Variants in ERG observed in about 807,000 individuals in gnomAD.
ERG encodes ETS transcription factor ERG.
A neutral mutation model predicts 55.3 loss-of-function variants in ERG; 9 were observed. That is an observed-to-expected ratio of 0.16 (90% confidence interval 0.10 to 0.28). The LOEUF is 0.28. ERG is among the 10% of genes least tolerant of loss of function. ERG has a pLI of 1.00. For missense variants in ERG, 434 were observed against 631.6 expected, an observed-to-expected ratio of 0.69 and a Z score of 3.35; for synonymous variants, 223 against 237.3, an observed-to-expected ratio of 0.94 and a Z score of 0.55.
chr21:38,512,833 T>C (rs1344271763), intron 2 of ERG, among the ~76,000 whole-genome samples: 1 of 152,110 alleles, frequency 6.6e-6, no homozygotes, highest in African/African-American at 2.4e-5. Context: ...AATTTAAATA[T>C]ATTAATTAAA....
intron 2 of ERG, among the ~76,000 whole-genome samples, chr21:38,552,853 A>C (rs2059833040): frequency 6.6e-6 from 1 of 151,800 alleles, no homozygotes; most frequent in African/African-American, 2.4e-5. Context: ...AGAGAAAAAA[A>C]AAAAAAAGAA....
intron 1 of ERG, among the ~76,000 whole-genome samples, chr21:38,591,506 A>C (rs1388816494): frequency 6.6e-6 from 1 of 152,192 alleles, no homozygotes; most frequent in Non-Finnish European, 1.5e-5. Flanking sequence ...AGCCTGGCCA[A>C]CATGGTGAAA....
In ERG at chr21:38,596,920, C is replaced by T. The variant is rs140185446; in HGVS notation, c.-149-11975G>A. On this transcript the variant is annotated intron_variant, in intron 1 of 10. Transcript: ENST00000398910. ...CCACCCACCTTCAACTCAGTCACAT[C>T]CACCTACATTTTCTGAAAACAAAAG... is the stretch of plus-strand genomic sequence containing the variant. Among the ~76,000 whole-genome samples the T allele has an allele frequency of 4.5e-3, 679 of 152,290 alleles. 6 individuals carry two copies. Among genetic ancestry groups the T allele is most frequent in the Non-Finnish European group, 7.4e-3 (506 of 68,024 alleles).
chr21:38,403,493 A>AG lies in ERG; in HGVS notation c.592+12dup. ...GCCACAGCCATCTATCCTTGGAGGA[A>AG]GGGGGAGCTTACTCTCTCTGAGGTA... On this transcript the variant is annotated intron_variant, in intron 4 of 9. Coordinates refer to ENST00000288319, the MANE Select transcript of ERG (RefSeq NM_182918.4). 3 of 1,612,972 alleles carry AG rather than the reference A, an allele frequency of 1.9e-6. No individual in the cohort carries two copies.
intron 2 of ERG, among the ~76,000 whole-genome samples, chr21:38,510,226 C>T (rs919272644): frequency 2.6e-5 from 4 of 152,226 alleles, no homozygotes; most frequent in Admixed American, 2.6e-4. Context: ...CTATAGACAA[C>T]GTGTTGCTCT....
At chr21:38,426,576 C>A (rs1989832781) in intron 2 of ERG, among the ~76,000 whole-genome samples, 1 of 152,184 alleles carries the variant, frequency 6.6e-6, no homozygotes, top group African/African-American at 2.4e-5. Context: ...CCCATCAATT[C>A]TTTCTTCTCC....
Position 38,381,522 on chromosome 21 carries a change from TCCTGAAAGAGAAA to T in ERG, c.*1868_*1880del, listed in dbSNP as rs1381717775. Reference sequence around the variant, plus strand: ...CTAAAGCTGTCTACCTAGTGAGAGCTCCTGAAAGAGAAACCCCGCAGCAAATCTAGACGTTATC... The same window carrying T: ...CTAAAGCTGTCTACCTAGTGAGAGCTCCCCGCAGCAAATCTAGACGTTATC... On this transcript the variant is annotated 3_prime_UTR_variant, in exon 10 of 10. Coordinates refer to ENST00000288319, the MANE Select transcript of ERG (RefSeq NM_182918.4). The T allele has an allele frequency of 1.9e-6, 2 of 1,064,016 alleles. No homozygotes were observed. Among genetic ancestry groups the T allele is most frequent in the African/African-American group, 3.3e-5 (2 of 60,984 alleles). 65.9% of individuals were successfully genotyped at this position (1,064,016 alleles called of 1,614,324 possible). A position where few individuals can be genotyped will look rare whatever the true frequency, so the allele number is the denominator to read the frequency against.
At chr21:38,379,904 G>T, downstream of ERG, 1 of 454,982 alleles carries the variant, frequency 2.2e-6, no homozygotes, top group Non-Finnish European at 2.9e-6. Context: ...CTCTCATGTT[G>T]CCCAGGCTGG....
At chr21:38,387,067 A>T (rs746281767) in intron 9 of ERG, among the ~76,000 whole-genome samples, 4 of 150,658 alleles carry the variant, frequency 2.7e-5, no homozygotes, top group Admixed American at 6.6e-5. Flanking sequence ...AGACTGAGCA[A>T]AAAAGGGGGA....
chr21:38,478,174 G>T (rs546587420), intron 1 of ERG, among the ~76,000 whole-genome samples: 1 of 152,356 alleles, frequency 6.6e-6, no homozygotes, highest in South Asian at 2.1e-4. Flanking sequence ...GAGTGGCATG[G>T]TAGAGGATGT....
At chr21:38,441,126 C>A (rs1353636946) in intron 2 of ERG, among the ~76,000 whole-genome samples, 1 of 152,160 alleles carries the variant, frequency 6.6e-6, no homozygotes, top group Admixed American at 6.5e-5. Flanking sequence ...TGAACTGGCC[C>A]CCCAGAGCAC....
chr21:38,453,128 T>C (rs2058956578), intron 1 of ERG, among the ~76,000 whole-genome samples: 1 of 152,226 alleles, frequency 6.6e-6, no homozygotes, highest in South Asian at 2.1e-4. Context: ...TAATTGCCAT[T>C]GGCAATATGT....
rs59340988 is a variant in ERG at position 38,621,699 on chromosome 21, C to T, written c.-149-36754G>A. ...AAACCCATCTCTTCTGGCAGATCCC[C>T]CCAGAAAGGAGGGTTAGTCTCCCTC... On this transcript the variant is annotated intron_variant, in intron 1 of 10. Coordinates refer to the ERG transcript ENST00000398910. 3.2e-3 allele frequency among the ~76,000 whole-genome samples: 484 copies of T among 152,258 alleles called. 5 individuals are homozygous for T. Among genetic ancestry groups the T allele is most frequent in the African/African-American group, 0.011 (448 of 41,540 alleles).
chr21:38,376,044 C>T (rs1731466909), downstream of ERG, among the ~76,000 whole-genome samples: 1 of 152,236 alleles, frequency 6.6e-6, no homozygotes. Context: ...TTAACAAGTA[C>T]TCAGCCTTCC....
intron 2 of ERG, among the ~76,000 whole-genome samples, chr21:38,503,881 T>G (rs2059440492): frequency 6.6e-6 from 1 of 152,134 alleles, no homozygotes; most frequent in African/African-American, 2.4e-5. Context: ...ATACGCGGCA[T>G]GAAGACACTC....
At chr21:38,645,035 T>G (rs2060447671) in intron 1 of ERG, among the ~76,000 whole-genome samples, 1 of 152,156 alleles carries the variant, frequency 6.6e-6, no homozygotes. Context: ...AGCATGCACT[T>G]GTAGTCCCAG....
intron 1 of ERG, among the ~76,000 whole-genome samples, chr21:38,482,897 C>T (rs550008905): frequency 5.3e-5 from 8 of 152,104 alleles, no homozygotes; most frequent in Admixed American, 1.3e-4. Context: ...AGGCTGGTCT[C>T]GAACTCCTGG....
intron 2 of ERG, among the ~76,000 whole-genome samples, chr21:38,563,276 C>T (rs1301565119): frequency 6.6e-6 from 1 of 152,132 alleles, no homozygotes; most frequent in Non-Finnish European, 1.5e-5. Context: ...AAAGTATAAC[C>T]CTAATGAGAA....
chr21:38,525,301 G>A (rs895368618), intron 2 of ERG, among the ~76,000 whole-genome samples: 4 of 151,848 alleles, frequency 2.6e-5, no homozygotes, highest in African/African-American at 4.8e-5. Flanking sequence ...ACCCTCTCTC[G>A]GGTTCTGTAT....
Sources: allele counts gnomAD v4.1 joint callset (sites outside exome capture counted in the v4.1 genomes callset), GRCh38; gene constraint gnomAD v4.1.1; transcripts MANE v1.5; gene names NCBI Gene and HGNC (gene_info 2026-07-23, HGNC 2026-07-21).